Variants in GRIN3A observed in about 807,000 individuals in gnomAD.
GRIN3A encodes the protein glutamate ionotropic receptor NMDA type subunit 3A.
GRIN3A carries 47 observed loss-of-function variants against 92.4 expected under a neutral mutation model. The ratio of observed to expected loss-of-function variants is 0.51; its 90% CI spans 0.40 to 0.65. GRIN3A has a LOEUF of 0.65. Among genes scored for constraint, GRIN3A ranks in the 30% least tolerant of loss-of-function variants. The pLI is 0.00. For missense variants in GRIN3A, 1,324 were observed against 1,393.1 expected, an observed-to-expected ratio of 0.95 and a Z score of 0.79; for synonymous variants, 527 against 540.6, an observed-to-expected ratio of 0.97 and a Z score of 0.35.
intron 1 of GRIN3A, among the ~76,000 whole-genome samples, chr9:101,698,554 A>G (rs1251611927): frequency 1.3e-5 from 2 of 152,122 alleles, no homozygotes; most frequent in Non-Finnish European, 2.9e-5. Context: ...ATAACCTATT[A>G]CTCCTAGGCT....
chr9:101,686,196 A>G (rs145265128), intron 2 of GRIN3A, among the ~76,000 whole-genome samples: 9 of 152,348 alleles, frequency 5.9e-5, no homozygotes, highest in African/African-American at 1.7e-4. Flanking sequence ...TGCATCTACT[A>G]TAAGCTAAGC....
chr9:101,686,951 T>TA lies in GRIN3A; in HGVS notation c.948_949insT (p.Ser317Ter). The TA allele has an allele frequency of 6.2e-7, 1 of 1,614,166 alleles. No individual in the cohort carries two copies. The highest frequency in any genetic ancestry group is 8.5e-7 in the Non-Finnish European group (1 of 1,180,020). ...ACTGTGGGTGTGCTGTTCTTAATAC[T>TA]CTCAAGCTGGATCTGTAGGAAGCTC... On this transcript the variant is annotated frameshift_variant, in exon 2 of 9. Transcript: ENST00000361820. LOFTEE classifies it high-confidence loss of function.
intron 6 of GRIN3A, among the ~76,000 whole-genome samples, chr9:101,611,531 C>G (rs1828368091): frequency 6.6e-6 from 1 of 152,148 alleles, no homozygotes; most frequent in African/African-American, 2.4e-5. Context: ...AGTACACTAC[C>G]AATTTCACAC....
intron 3 of GRIN3A, among the ~76,000 whole-genome samples, chr9:101,665,495 G>A (rs569043623): frequency 6.6e-5 from 10 of 152,034 alleles, no homozygotes; most frequent in African/African-American, 2.4e-4. Flanking sequence ...GTGAAAACGG[G>A]ATGAAAATGG....
In GRIN3A at chr9:101,593,280, C is replaced by T. The variant is rs190000082; in HGVS notation, c.2767-13920G>A. The stretch of plus-strand genomic sequence containing the variant: ...CTCCGGCTCACCCAATGGTGGAGAT[C>T]TGTTAGTGTGTGAGGACTTCTGCAC... On this transcript the variant is annotated intron_variant, in intron 6 of 8. Coordinates refer to ENST00000361820, the MANE Select transcript of GRIN3A (RefSeq NM_133445.3). 2.0e-5 allele frequency: 3 copies of T among 152,344 alleles called. No individual in the cohort carries two copies. In the East Asian group the frequency reaches 5.8e-4, roughly 29 times the overall value. The allele number at this position is 152,344 out of a possible 1,614,324, so 9.4% of individuals were successfully genotyped here. A position where few individuals can be genotyped will look rare whatever the true frequency, so the allele number is the denominator to read the frequency against.
At chr9:101,691,240 A>ATGACCT (rs1829613998) in intron 1 of GRIN3A, among the ~76,000 whole-genome samples, 1 of 152,166 alleles carries the variant, frequency 6.6e-6, no homozygotes, top group Non-Finnish European at 1.5e-5. Flanking sequence ...ACCTTGAGCC[A>ATGACCT]TGACCTCTGC....
chr9:101,650,188 A>T (rs190223511), intron 3 of GRIN3A, among the ~76,000 whole-genome samples: 1 of 152,150 alleles, frequency 6.6e-6, no homozygotes, highest in African/African-American at 2.4e-5. Context: ...CTTCATCTGT[A>T]GAAAAGGAAC....
chr9:101,687,861 A>G (rs1347268568), intron 1 of GRIN3A, among the ~76,000 whole-genome samples: 1 of 152,220 alleles, frequency 6.6e-6, no homozygotes, highest in African/African-American at 2.4e-5. Context: ...GCCATTAAAC[A>G]CACTTATGTA....
chr9:101,638,279 C>T (rs1828810134), intron 3 of GRIN3A, among the ~76,000 whole-genome samples: 1 of 152,192 alleles, frequency 6.6e-6, no homozygotes, highest in Non-Finnish European at 1.5e-5. Flanking sequence ...AGAATTTCAA[C>T]AAAGGAATCA....
At chr9:101,683,829 A>G (rs1055341116) in intron 2 of GRIN3A, among the ~76,000 whole-genome samples, 1 of 123,868 alleles carries the variant, frequency 8.1e-6, no homozygotes, top group Non-Finnish European at 1.6e-5. Flanking sequence ...CACCATAAGG[A>G]GAGAGAGAGA....
intron 1 of GRIN3A, among the ~76,000 whole-genome samples, chr9:101,693,254 T>G (rs950989817): frequency 6.7e-6 from 1 of 148,152 alleles, no homozygotes; most frequent in Non-Finnish European, 1.5e-5. Context: ...AATATATATA[T>G]ATATATATAT....
At chr9:101,698,708 G>T (rs956700007) in intron 1 of GRIN3A, among the ~76,000 whole-genome samples, 2 of 152,038 alleles carry the variant, frequency 1.3e-5, no homozygotes, top group Non-Finnish European at 2.9e-5. Flanking sequence ...CACTCTCTCA[G>T]CCAGGCTGGA....
intron 2 of GRIN3A, among the ~76,000 whole-genome samples, chr9:101,676,033 T>G (rs1829390511): frequency 6.6e-6 from 1 of 151,974 alleles, no homozygotes; most frequent in African/African-American, 2.4e-5. Flanking sequence ...TCAAGTTTTA[T>G]TAGTATTATG....
intron 1 of GRIN3A, among the ~76,000 whole-genome samples, chr9:101,713,146 G>T (rs890742912): frequency 2.4e-4 from 37 of 152,154 alleles, no homozygotes; most frequent in African/African-American, 8.7e-4. Context: ...CATGGGCTCT[G>T]CTTTCTGGGG....
chr9:101,632,512 A>G (rs1469965123), intron 3 of GRIN3A, among the ~76,000 whole-genome samples: 1 of 152,186 alleles, frequency 6.6e-6, no homozygotes, highest in African/African-American at 2.4e-5. Context: ...TTATTAAGAG[A>G]ATGAATGAAA....
intron 3 of GRIN3A, among the ~76,000 whole-genome samples, chr9:101,644,906 G>T (rs929877350): frequency 1.3e-5 from 2 of 151,540 alleles, no homozygotes; most frequent in Non-Finnish European, 3.0e-5. Context: ...ATATTTATGG[G>T]GTACATGTGA....
intron 1 of GRIN3A, among the ~76,000 whole-genome samples, chr9:101,724,991 G>A (rs1564153402): frequency 6.6e-6 from 1 of 152,092 alleles, no homozygotes; most frequent in Non-Finnish European, 1.5e-5. Context: ...TCTGAATCTC[G>A]GCATGTCAGT....
chr9:101,664,175 C>T (rs1308339102), intron 3 of GRIN3A, among the ~76,000 whole-genome samples: 1 of 151,892 alleles, frequency 6.6e-6, no homozygotes, highest in East Asian at 1.9e-4. Context: ...GATAAAAACA[C>T]GGCTGCAGTT....
chr9:101,642,380 G>C (rs1303958699), intron 3 of GRIN3A, among the ~76,000 whole-genome samples: 1 of 152,086 alleles, frequency 6.6e-6, no homozygotes, highest in Non-Finnish European at 1.5e-5. Context: ...AATCTTACCA[G>C]AAAACACAGA....
Sources: allele counts gnomAD v4.1 joint callset (sites outside exome capture counted in the v4.1 genomes callset), GRCh38; gene constraint gnomAD v4.1.1; transcripts MANE v1.5; gene names NCBI Gene and HGNC (gene_info 2026-07-23, HGNC 2026-07-21).